The following EIF4G3 variants were observed in gnomAD, a reference collection of about 807,000 sequenced individuals.
The protein encoded by EIF4G3 is eIF-4-gamma 3.
In EIF4G3, 34 loss-of-function variants were observed where a neutral mutation model predicts 186.4. The ratio of observed to expected loss-of-function variants is 0.18; its 90% CI spans 0.14 to 0.24. The LOEUF is 0.24. EIF4G3 is among the 10% of genes least tolerant of loss of function. The pLI, the probability that EIF4G3 is intolerant of heterozygous loss-of-function variation, is 1.00. For missense variants in EIF4G3, 1,536 were observed against 1,948.5 expected (o/e 0.79, Z 3.99); for synonymous variants, 673 against 679.5 (o/e 0.99, Z 0.15).
intron 22 of EIF4G3, among the ~76,000 whole-genome samples, chr1:20,862,696 AG>A (rs916933667): frequency 1.3e-5 from 2 of 152,238 alleles, no homozygotes; most frequent in Non-Finnish European, 2.9e-5. Flanking sequence ...TTCAGGCATT[AG>A]CCACTGCGTC....
chr1:20,987,490 C>T (rs1000198633), intron 7 of EIF4G3, among the ~76,000 whole-genome samples: 5 of 152,220 alleles, frequency 3.3e-5, no homozygotes, highest in Non-Finnish European at 4.4e-5. Context: ...ACAGCATGTG[C>T]TCATTTCGTG....
At chr1:20,847,588 C>T (rs974126713) in intron 29 of EIF4G3, among the ~76,000 whole-genome samples, 5 of 152,014 alleles carry the variant, frequency 3.3e-5, no homozygotes, top group Non-Finnish European at 5.9e-5. Flanking sequence ...ACTGTCTTGG[C>T]GTTTCATCTT....
intron 36 of EIF4G3, among the ~76,000 whole-genome samples, chr1:20,807,951 G>A (rs1570746621): frequency 6.7e-6 from 1 of 150,240 alleles, no homozygotes; most frequent in East Asian, 2.0e-4. Context: ...AGCCTCTCAA[G>A]TACCTGGGAT....
intron 4 of EIF4G3, among the ~76,000 whole-genome samples, chr1:21,004,499 C>T (rs760250395): frequency 2.5e-4 from 38 of 152,050 alleles, no homozygotes; most frequent in South Asian, 8.3e-4. Flanking sequence ...ACTCATTTAT[C>T]TTTCCCACGA....
intron 3 of EIF4G3, among the ~76,000 whole-genome samples, chr1:21,051,479 T>C (rs568086162): frequency 1.3e-5 from 2 of 152,274 alleles, no homozygotes; most frequent in East Asian, 3.9e-4. Context: ...GGGTGAATTT[T>C]ACTAAATTAC....
At chr1:21,087,031 AAG>A (rs2096008160) in intron 3 of EIF4G3, among the ~76,000 whole-genome samples, 1 of 152,184 alleles carries the variant, frequency 6.6e-6, no homozygotes, top group African/African-American at 2.4e-5. Context: ...TAACTCTTGA[AAG>A]AGAGAGCATT....
At chr1:20,847,855 G>A in intron 29 of EIF4G3, 1 of 471,564 alleles carries the variant, frequency 2.1e-6, no homozygotes, top group Non-Finnish European at 4.4e-6. Flanking sequence ...TCTGAATTTT[G>A]AAGAATTTCA....
chr1:21,095,600 A>G (rs1244404631), intron 2 of EIF4G3, among the ~76,000 whole-genome samples: 1 of 152,194 alleles, frequency 6.6e-6, no homozygotes, highest in African/African-American at 2.4e-5. Context: ...GGCATGAGCC[A>G]CTACACCTGA....
intron 4 of EIF4G3, among the ~76,000 whole-genome samples, chr1:21,023,232 TCCCCCTCCCCTCCCCCTCC>T (rs2091190043): frequency 1.6e-4 from 3 of 18,410 alleles, no homozygotes; most frequent in Admixed American, 7.0e-4. Context: ...TCCCTCTCCC[TCCCCCTCCCCTCCCCCTCC>T]CCCCCTCCCC....
At chr1:21,007,693 C>T (rs376347301) in intron 4 of EIF4G3, among the ~76,000 whole-genome samples, 1 of 151,462 alleles carries the variant, frequency 6.6e-6, no homozygotes, top group Admixed American at 6.6e-5. Flanking sequence ...TATTAAGTGA[C>T]AAAAGCAAAT....
intron 3 of EIF4G3, among the ~76,000 whole-genome samples, chr1:21,055,295 A>C (rs927465084): frequency 2.0e-5 from 3 of 152,168 alleles, no homozygotes; most frequent in African/African-American, 7.2e-5. Flanking sequence ...CAGTGAAATA[A>C]AGTGAAAATA....
chr1:20,860,956 G>A (rs897611866), intron 23 of EIF4G3, among the ~76,000 whole-genome samples: 1 of 152,146 alleles, frequency 6.6e-6, no homozygotes, highest in African/African-American at 2.4e-5. Context: ...ACATTCCATA[G>A]GGGTTCTAAG....
At chr1:20,999,432 C>A in intron 6 of EIF4G3, 1 of 314,316 alleles carries the variant, frequency 3.2e-6, no homozygotes, top group Non-Finnish European at 6.4e-6. Context: ...CTTTATGACA[C>A]TTTTGAAGAA....
intron 14 of EIF4G3, among the ~76,000 whole-genome samples, chr1:20,932,263 C>T (rs1039911808): frequency 2.6e-5 from 4 of 152,172 alleles, no homozygotes; most frequent in African/African-American, 9.7e-5. Flanking sequence ...GAGGCTTTGA[C>T]TTAAGGGAAT....
chr1:21,169,711 T>G (rs2097919628), intron 2 of EIF4G3: 1 of 152,198 alleles, frequency 6.6e-6, no homozygotes, highest in Non-Finnish European at 1.5e-5. Flanking sequence ...ACTGGGTCAA[T>G]GCTATTCCAT....
chr1:20,885,474 A>G (rs536897249), intron 19 of EIF4G3, among the ~76,000 whole-genome samples: 1 of 152,330 alleles, frequency 6.6e-6, no homozygotes, highest in East Asian at 1.9e-4. Context: ...TCATGGTGAG[A>G]GAAAAGATAT....
intron 7 of EIF4G3, among the ~76,000 whole-genome samples, chr1:20,988,656 C>T (rs2080158086): frequency 6.6e-6 from 1 of 152,012 alleles, no homozygotes; most frequent in African/African-American, 2.4e-5. Flanking sequence ...AATATTACTG[C>T]TTACTGGGAA....
chr1:20,907,449 G>C (rs2092400894), intron 14 of EIF4G3, among the ~76,000 whole-genome samples: 1 of 151,666 alleles, frequency 6.6e-6, no homozygotes, highest in African/African-American at 2.4e-5. Context: ...CTGCAGGTTT[G>C]CTACATATGT....
intron 4 of EIF4G3, among the ~76,000 whole-genome samples, chr1:21,022,196 C>T (rs1304291189): frequency 2.6e-5 from 4 of 152,122 alleles, no homozygotes; most frequent in African/African-American, 9.7e-5. Context: ...AAAGATTGCA[C>T]CTTAACAATG....
Sources: gnomAD v4.1 joint callset for allele counts (sites outside exome capture counted in the v4.1 genomes callset) on GRCh38, gnomAD v4.1.1 for gene constraint, MANE v1.5 for transcripts, NCBI Gene and HGNC (gene_info 2026-07-23, HGNC 2026-07-21) for gene names.